Variants in TLN2 observed in about 807,000 individuals in gnomAD.
TLN2 encodes talin 2.
TLN2 carries 118 observed loss-of-function variants against 294.7 expected under a neutral mutation model. The ratio of observed to expected loss-of-function variants is 0.40; its 90% confidence interval spans 0.34 to 0.47. The LOEUF (loss-of-function observed/expected upper bound fraction) is 0.47, where lower values mean the gene tolerates loss of function less well. Ranked by LOEUF, TLN2 falls within the 20% of genes least tolerant of loss-of-function variation. The pLI is 0.84. For missense variants in TLN2, 3,083 were observed against 3,282.2 expected, an observed-to-expected ratio of 0.94 and a Z score of 1.48; for synonymous variants, 1,431 against 1,304.5, an observed-to-expected ratio of 1.10 and a Z score of -2.09.
intron 3 of TLN2, among the ~76,000 whole-genome samples, chr15:62,631,091 A>T (rs2049770546): frequency 6.6e-6 from 1 of 152,174 alleles, no homozygotes; most frequent in South Asian, 2.1e-4. Context: ...ATGGATATAT[A>T]ACCAAAGGAT....
At chr15:62,736,620 G>A (rs1034162465) in intron 28 of TLN2, among the ~76,000 whole-genome samples, 1 of 152,082 alleles carries the variant, frequency 6.6e-6, no homozygotes, top group Admixed American at 6.5e-5. Context: ...CAGTGGGGCA[G>A]TGGGAGCAAG....
At chr15:62,779,743 T>C (rs890655476) in intron 43 of TLN2, among the ~76,000 whole-genome samples, 2 of 152,362 alleles carry the variant, frequency 1.3e-5, no homozygotes, top group Non-Finnish European at 1.5e-5. Flanking sequence ...CTCCTTTGAC[T>C]AGCAGGGCCC....
At chr15:62,632,129 G>A (rs887497577) in intron 3 of TLN2, among the ~76,000 whole-genome samples, 4 of 152,182 alleles carry the variant, frequency 2.6e-5, no homozygotes, top group Non-Finnish European at 4.4e-5. Flanking sequence ...CAGCCCCAGC[G>A]CCTGCTTAGA....
At position 62,792,940 on chromosome 15, in the gene TLN2, A is replaced by C. The variant is rs141793980; in HGVS notation, c.5883+153A>C. Reference sequence around the variant, plus strand: ...TCTTCCCCACTGCCCAGGTTCTCCCAAAAATGGGGTGCATCAGGGAGCTGG... The same window carrying C: ...TCTTCCCCACTGCCCAGGTTCTCCCCAAAATGGGGTGCATCAGGGAGCTGG... On this transcript the variant is annotated intron_variant, in intron 46 of 58. Transcript: ENST00000636159. Among the ~76,000 whole-genome samples the C allele has an allele frequency of 1.2e-3, 184 of 152,326 alleles. 1 individual carries two copies. The highest frequency in any genetic ancestry group is 4.3e-3 in the African/African-American group (177 of 41,582).
At chr15:62,734,169 T>A (rs924590479) in intron 28 of TLN2, 8 of 152,132 alleles carry the variant, frequency 5.3e-5, no homozygotes, top group Non-Finnish European at 8.8e-5. Context: ...TGCGTTTTTT[T>A]AAATTGTATG....
At chr15:62,815,251 A>T (rs2067025408) in intron 52 of TLN2, among the ~76,000 whole-genome samples, 1 of 146,780 alleles carries the variant, frequency 6.8e-6, no homozygotes, top group African/African-American at 2.5e-5. Flanking sequence ...TCTGCCCTTC[A>T]CTCTGTTCTT....
At chr15:62,464,055 C>T (rs2036969439) in intron 1 of TLN2, among the ~76,000 whole-genome samples, 1 of 152,170 alleles carries the variant, frequency 6.6e-6, no homozygotes, top group Non-Finnish European at 1.5e-5. Flanking sequence ...TAGCATTTGA[C>T]TCAGCAATCC....
intron 47 of TLN2, 103 bp from the exon 48 acceptor site, chr15:62,797,116 C>A: frequency 7.8e-7 from 1 of 1,285,198 alleles, no homozygotes; most frequent in Non-Finnish European, 1.1e-6. Flanking sequence ...TTCTTCAAAG[C>A]CCTTTAACAA....
intron 52 of TLN2, 63 bp downstream of exon 52, chr15:62,810,095 T>A: frequency 7.3e-7 from 1 of 1,362,744 alleles, no homozygotes. Flanking sequence ...CCTGGCTGAT[T>A]CAAACTATGC....
rs777427227 is a variant in TLN2, at chr15:62,711,766, G to A, written c.2468-145G>A. 2.8e-5 allele frequency: 23 copies of A among 811,902 alleles called. No homozygotes were observed. In the African/African-American group the frequency reaches 3.4e-4, roughly 12 times the overall value. The allele number at this position is 811,902 out of a possible 1,614,324, so 50.3% of individuals were successfully genotyped here. Reference sequence around the variant, plus strand: ...TTTCATTTTGGGCTCTAATTTGGATGCATGGCTTAGGACTAGAGCATGGAG... The same window carrying A: ...TTTCATTTTGGGCTCTAATTTGGATACATGGCTTAGGACTAGAGCATGGAG... On this transcript the variant is annotated intron_variant, in intron 21 of 58. Transcript: ENST00000636159.
chr15:62,837,940 C>G (rs1377843793), intron 57 of TLN2, among the ~76,000 whole-genome samples: 1 of 152,128 alleles, frequency 6.6e-6, no homozygotes, highest in African/African-American at 2.4e-5. Flanking sequence ...TGAGGGGGCG[C>G]TGGACAAGAA....
chr15:62,760,718 G>A (rs2062607755), intron 37 of TLN2, among the ~76,000 whole-genome samples: 1 of 152,114 alleles, frequency 6.6e-6, no homozygotes, highest in South Asian at 2.1e-4. Flanking sequence ...CCACATTCCT[G>A]GATCCTTATC....
intron 54 of TLN2, among the ~76,000 whole-genome samples, chr15:62,821,670 C>A (rs114951017): frequency 1.3e-5 from 2 of 152,250 alleles, no homozygotes; most frequent in African/African-American, 4.8e-5. Context: ...GGCACTTAAA[C>A]GTTTTCTCAT....
chr15:62,777,150 G>GAT (rs1272611230), intron 43 of TLN2, among the ~76,000 whole-genome samples: 1 of 152,174 alleles, frequency 6.6e-6, no homozygotes, highest in Non-Finnish European at 1.5e-5. Context: ...ACATGGAAAA[G>GAT]ATATCATAGG....
chr15:62,411,658 G>A (rs1356824578), intron 1 of TLN2, among the ~76,000 whole-genome samples: 1 of 152,166 alleles, frequency 6.6e-6, no homozygotes, highest in Non-Finnish European at 1.5e-5. Context: ...ATGCTAACAG[G>A]TGAGCTGAGA....
intron 1 of TLN2, among the ~76,000 whole-genome samples, chr15:62,559,188 G>A (rs1267348016): frequency 2.0e-5 from 3 of 152,190 alleles, no homozygotes; most frequent in African/African-American, 7.2e-5. Flanking sequence ...GTGTGCAGGC[G>A]AGTTGTTAAG....
chr15:62,574,570 A>C (rs2044216470), intron 1 of TLN2, among the ~76,000 whole-genome samples: 2 of 107,324 alleles, frequency 1.9e-5, no homozygotes, highest in Non-Finnish European at 3.6e-5. Context: ...ACAGGATGAG[A>C]CCCTGTCTCA....
chr15:62,721,061 A>G (rs995459725), intron 25 of TLN2, among the ~76,000 whole-genome samples: 9 of 152,086 alleles, frequency 5.9e-5, no homozygotes, highest in African/African-American at 2.2e-4. Flanking sequence ...AGCCGTGTAG[A>G]TGTGTTCCTG....
chr15:62,495,685 C>A (rs1461861752), intron 1 of TLN2, among the ~76,000 whole-genome samples: 3 of 152,220 alleles, frequency 2.0e-5, no homozygotes, highest in Non-Finnish European at 4.4e-5. Context: ...AGGCCTATCA[C>A]CTATTATTCC....
Sources: gnomAD v4.1 joint callset for allele counts (sites outside exome capture counted in the v4.1 genomes callset) on GRCh38, gnomAD v4.1.1 for gene constraint, MANE v1.5 for transcripts, NCBI Gene and HGNC (gene_info 2026-07-23, HGNC 2026-07-21) for gene names.